The following MRPS6 variants were observed in gnomAD, a reference collection of about 807,000 sequenced individuals.
MRPS6 encodes small ribosomal subunit protein bS6m.
A neutral mutation model predicts 13.1 loss-of-function variants in MRPS6; 6 were observed. The observed-to-expected ratio is 0.46, with a 90% CI of 0.25 to 0.91. The LOEUF is 0.91. Among genes scored for constraint, MRPS6 ranks in the 40% least tolerant of loss-of-function variants. The pLI is 0.18. For synonymous variants in MRPS6, 61 were observed against 56.5 expected (o/e 1.08, Z -0.36); for missense variants, 164 against 155.6 (o/e 1.05, Z -0.29).
intron 1 of MRPS6, among the ~76,000 whole-genome samples, chr21:34,109,484 A>G (rs1979613136): frequency 6.6e-6 from 1 of 152,210 alleles, no homozygotes; most frequent in Non-Finnish European, 1.5e-5. Flanking sequence ...GGGCCCCATC[A>G]TTCACAGCCT....
At chr21:34,082,164 A>G (rs1477280080) in intron 1 of MRPS6, among the ~76,000 whole-genome samples, 1 of 152,080 alleles carries the variant, frequency 6.6e-6, no homozygotes, top group Non-Finnish European at 1.5e-5. Context: ...AGATATTCAG[A>G]TAATTAGCTG....
intron 1 of MRPS6, among the ~76,000 whole-genome samples, chr21:34,088,263 T>C (rs11701405): frequency 1 from 152,354 of 152,354 alleles, 76,177 homozygotes; most frequent in Non-Finnish European, 1. Context: ...ATTTTTCCCC[T>C]TCTGGTGGAA....
chr21:34,113,140 G>A (rs914475122), intron 1 of MRPS6, among the ~76,000 whole-genome samples: 3 of 152,162 alleles, frequency 2.0e-5, no homozygotes, highest in Non-Finnish European at 2.9e-5. Context: ...CCGTTGGTGG[G>A]AATAAATTAG....
At chr21:34,130,760 T>G (rs1414834539) in intron 2 of MRPS6, among the ~76,000 whole-genome samples, 1 of 151,708 alleles carries the variant, frequency 6.6e-6, no homozygotes, top group African/African-American at 2.4e-5. Flanking sequence ...TCTTGGTTAC[T>G]TCTTGCCTGG....
At chr21:34,101,982 G>A (rs1207899464) in intron 1 of MRPS6, 9 of 1,000,028 alleles carry the variant, frequency 9.0e-6, no homozygotes, top group East Asian at 1.1e-4. Context: ...TGCAGTAAAA[G>A]TAAAAATTTG....
At chr21:34,111,916 T>C (rs1005344553) in intron 1 of MRPS6, among the ~76,000 whole-genome samples, 16 of 152,104 alleles carry the variant, frequency 1.1e-4, no homozygotes, top group Admixed American at 3.9e-4. Context: ...TGGTTTTGTA[T>C]TTTAATCCCA....
intron 1 of MRPS6, chr21:34,101,575 T>A: frequency 1.0e-6 from 1 of 1,000,072 alleles, no homozygotes; most frequent in South Asian, 4.7e-5. Context: ...TTGTCTTCCT[T>A]CACATTGCTG....
intron 1 of MRPS6, among the ~76,000 whole-genome samples, chr21:34,092,353 A>G (rs1407590917): frequency 7.3e-5 from 3 of 41,118 alleles, no homozygotes; most frequent in Non-Finnish European, 1.3e-4. Flanking sequence ...GTTTTGTTTA[A>G]GTTGGAAAAA....
chr21:34,103,331 A>G (rs1395405851), intron 1 of MRPS6: 8 of 994,840 alleles, frequency 8.0e-6, no homozygotes, highest in Admixed American at 6.2e-5. Context: ...AAAAAAAAAA[A>G]CATGCATTAC....
intron 1 of MRPS6, among the ~76,000 whole-genome samples, chr21:34,110,975 C>T (rs983422208): frequency 3.9e-5 from 6 of 152,150 alleles, no homozygotes; most frequent in African/African-American, 1.4e-4. Context: ...TTTTAAACAA[C>T]GAAATGACCC....
rs757464876 is a variant in MRPS6, at chr21:34,125,463, G to A, written c.168G>A (p.Gln56=). The change falls in exon 2 of 3, where the codon CAG becomes CAA. Residue 56 remains glutamine, a synonymous_variant. Transcript: ENST00000399312. ...ALPYRISAHS[Q]QHNRGGYFLV... ...CTTATAGGATCTCTGCCCACAGTCA[G>A]CAGCACAACAGAGGCGGGTAAGTTT... 67 of 1,613,882 alleles carry A rather than the reference G, an allele frequency of 4.2e-5. No individual in the cohort carries two copies. Among genetic ancestry groups the A allele is most frequent in the Non-Finnish European group, 5.5e-5 (65 of 1,179,924 alleles).
chr21:34,092,319 T>G (rs1481088073), intron 1 of MRPS6, among the ~76,000 whole-genome samples: 5 of 151,978 alleles, frequency 3.3e-5, no homozygotes, highest in Admixed American at 6.6e-5. Context: ...TTCCAGTCTT[T>G]ACCAGGTGCT....
In MRPS6 at chr21:34,125,391, A is replaced by G. The variant is rs1164840595; in HGVS notation, c.96A>G (p.Arg32=). ...GTACGATAGAGGCCCTGATGGACAG[A>G]GGAGCAATAGTGAGGGACTTGGAAA... ...LKRTIEALMD[R]GAIVRDLENL... is the part of the protein sequence containing the mutation. The change falls in exon 2 of 3, where the codon AGA becomes AGG. Residue 32 remains arginine (R), a synonymous_variant. Coordinates refer to ENST00000399312, the MANE Select transcript of MRPS6 (RefSeq NM_032476.4). The G allele has an allele frequency of 6.2e-7, 1 of 1,613,942 alleles. No homozygotes were observed. Among genetic ancestry groups the G allele is most frequent in the African/African-American group, 1.3e-5 (1 of 74,902 alleles).
chr21:34,109,207 G>A (rs1161326542), intron 1 of MRPS6, among the ~76,000 whole-genome samples: 2 of 151,692 alleles, frequency 1.3e-5, no homozygotes, highest in African/African-American at 2.4e-5. Flanking sequence ...TTCCACTCCC[G>A]CTTTATTTAC....
At chr21:34,103,024 A>G (rs568122707) in intron 1 of MRPS6, 5 of 999,906 alleles carry the variant, frequency 5.0e-6, no homozygotes, top group African/African-American at 3.5e-5. Flanking sequence ...ATAAGTTTTC[A>G]ATTTATCAAC....
At chr21:34,082,263 A>G (rs778232791) in intron 1 of MRPS6, among the ~76,000 whole-genome samples, 41 of 152,198 alleles carry the variant, frequency 2.7e-4, no homozygotes, top group Non-Finnish European at 5.0e-4. Flanking sequence ...GATTTCAGCA[A>G]TGGCAGGCAT....
At chr21:34,077,904 G>A (rs1989371837) in intron 1 of MRPS6, among the ~76,000 whole-genome samples, 1 of 152,156 alleles carries the variant, frequency 6.6e-6, no homozygotes, top group East Asian at 1.9e-4. Context: ...CAAAAGTTTT[G>A]TATTTGTTCT....
intron 1 of MRPS6, chr21:34,095,176 G>T (rs766758419): frequency 1.3e-6 from 2 of 1,565,532 alleles, no homozygotes; most frequent in East Asian, 2.2e-5. Context: ...TCATTGGAGC[G>T]CTATTATTCA....
chr21:34,133,600 TC>T lies in MRPS6; in HGVS notation c.185+8122del, dbSNP rs532493530. On this transcript the variant is annotated intron_variant, in intron 2 of 2. Transcript: ENST00000399312. ...CTGTAAGGAAGGGCAGGCTTGGACT[TC>T]CTGTGGACTCTCTGGAGGGAGGGGC... Among the ~76,000 whole-genome samples, 479 of 152,310 alleles carry T rather than the reference TC, an allele frequency of 3.1e-3. 2 individuals are homozygous for T. The highest frequency in any genetic ancestry group is 5.6e-3 in the Non-Finnish European group (380 of 68,020).
Sources: allele counts gnomAD v4.1 joint callset (sites outside exome capture counted in the v4.1 genomes callset), GRCh38; gene constraint gnomAD v4.1.1; transcripts MANE v1.5; gene names NCBI Gene and HGNC (gene_info 2026-07-23, HGNC 2026-07-21).